Variants in CAMKMT observed in about 807,000 individuals in gnomAD.
CAMKMT encodes the protein CaM KMT.
A neutral mutation model predicts 48.0 loss-of-function variants in CAMKMT; 53 were observed. The ratio of observed to expected loss-of-function variants is 1.10; its 90% CI spans 0.89 to 1.39. The LOEUF (loss-of-function observed/expected upper bound fraction) is 1.39. CAMKMT is among the 40% of genes most tolerant of loss of function. The pLI is 0.00. For synonymous variants in CAMKMT, 165 were observed against 152.3 expected (o/e 1.08, Z -0.61); for missense variants, 428 against 402.7 (o/e 1.06, Z -0.54).
intron 3 of CAMKMT, among the ~76,000 whole-genome samples, chr2:44,623,330 T>G (rs1203408006): frequency 6.6e-6 from 1 of 152,206 alleles, no homozygotes; most frequent in Non-Finnish European, 1.5e-5. Flanking sequence ...TTTAGTTTAC[T>G]TAGGTCCCAT....
At chr2:44,430,584 C>G (rs1172863740) in intron 3 of CAMKMT, among the ~76,000 whole-genome samples, 6 of 151,648 alleles carry the variant, frequency 4.0e-5, no homozygotes, top group Non-Finnish European at 1.5e-5. Context: ...GGCTCCCATC[C>G]TTTGATTTAA....
rs532109834 is a variant in CAMKMT, at chr2:44,628,025, A to G, written c.377-76258A>G. ...GCCCCTTTTTATTCTTTTAATGTCT[A>G]TAGGAACTGTAGCAATCAATGTTCC... On this transcript the variant is annotated intron_variant, in intron 3 of 10. Transcript: ENST00000378494. 3.3e-5 allele frequency among the ~76,000 whole-genome samples: 5 copies of G among 151,808 alleles called. No individual in the cohort carries two copies. In the South Asian group the frequency reaches 8.3e-4, roughly 25 times the overall value.
At chr2:44,716,387 C>A (rs1378486882) in intron 7 of CAMKMT, among the ~76,000 whole-genome samples, 1 of 152,120 alleles carries the variant, frequency 6.6e-6, no homozygotes, top group Admixed American at 6.6e-5. Context: ...ATGAAAATAG[C>A]TACAATGCTT....
intron 3 of CAMKMT, among the ~76,000 whole-genome samples, chr2:44,408,013 A>C (rs1682899656): frequency 6.8e-6 from 1 of 147,636 alleles, no homozygotes; most frequent in African/African-American, 2.5e-5. Context: ...AGAAGACAAC[A>C]GTAGAGCATG....
chr2:44,455,674 A>T (rs1667525233), intron 3 of CAMKMT, among the ~76,000 whole-genome samples: 1 of 152,192 alleles, frequency 6.6e-6, no homozygotes, highest in Non-Finnish European at 1.5e-5. Flanking sequence ...AAGTTATTTA[A>T]CCACTTTGTG....
rs966183252 is a variant in CAMKMT, at chr2:44,618,177, C to A, written c.377-86106C>A. Among the ~76,000 whole-genome samples the A allele has an allele frequency of 6.6e-5, 10 of 152,286 alleles. No homozygotes were observed. The highest frequency in any genetic ancestry group is 2.4e-4 in the African/African-American group (10 of 41,566). ...GGTCACCTTCCCAAGTGCAAGCAGG[C>A]AAGCTGTTATTGATCAAAGAGGTTT... On this transcript the variant is annotated intron_variant, in intron 3 of 10. Transcript: ENST00000378494. The surrounding 1 kb of genome is among the most constrained non-coding windows in gnomAD (Gnocchi z 4.0).
intron 3 of CAMKMT, among the ~76,000 whole-genome samples, chr2:44,398,373 TTG>T (rs1195867711): frequency 2.6e-5 from 4 of 152,184 alleles, no homozygotes; most frequent in African/African-American, 9.7e-5. Context: ...GTGCAGCAGA[TTG>T]TGTCTCAGAG....
intron 3 of CAMKMT, among the ~76,000 whole-genome samples, chr2:44,630,394 A>G (rs985826408): frequency 3.3e-5 from 5 of 151,888 alleles, no homozygotes; most frequent in African/African-American, 1.2e-4. Context: ...AAATTGACAA[A>G]TGGGATCTCA....
At chr2:44,445,662 T>G (rs1471452739) in intron 3 of CAMKMT, among the ~76,000 whole-genome samples, 1 of 11,222 alleles carries the variant, frequency 8.9e-5, no homozygotes, top group African/African-American at 2.6e-4. Context: ...TTTTTTTTTT[T>G]TTTTTTTTTT....
intron 7 of CAMKMT, among the ~76,000 whole-genome samples, chr2:44,728,895 A>G (rs1460391277): frequency 4.1e-5 from 2 of 48,208 alleles, no homozygotes; most frequent in African/African-American, 1.7e-4. Flanking sequence ...GATCTTTTGT[A>G]TGGATTTTCT....
chr2:44,376,968 A>G (rs1230484495), intron 2 of CAMKMT, among the ~76,000 whole-genome samples: 2 of 151,972 alleles, frequency 1.3e-5, no homozygotes, highest in Admixed American at 6.6e-5. Flanking sequence ...TGACTCCTGG[A>G]TTTTGTTCCT....
chr2:44,737,764 C>G (rs1226091389), intron 7 of CAMKMT, among the ~76,000 whole-genome samples: 1 of 152,066 alleles, frequency 6.6e-6, no homozygotes, highest in Admixed American at 6.6e-5. Context: ...TTCTCTCTCT[C>G]TCTCTCTCTT....
At chr2:44,579,231 A>T (rs951800108) in intron 3 of CAMKMT, among the ~76,000 whole-genome samples, 8 of 150,536 alleles carry the variant, frequency 5.3e-5, no homozygotes, top group African/African-American at 1.5e-4. Context: ...ATAATGTTCT[A>T]TTTTTTTTTT....
chr2:44,415,226 TG>T (rs1683472727), intron 3 of CAMKMT, among the ~76,000 whole-genome samples: 1 of 152,210 alleles, frequency 6.6e-6, no homozygotes, highest in African/African-American at 2.4e-5. Flanking sequence ...GTGTTAGGCC[TG>T]GTATGTACAA....
intron 3 of CAMKMT, among the ~76,000 whole-genome samples, chr2:44,465,630 A>T (rs549855859): frequency 6.6e-6 from 1 of 152,260 alleles, no homozygotes; most frequent in East Asian, 1.9e-4. Flanking sequence ...AGGAGAGACA[A>T]AATAACTGGA....
chr2:44,673,901 C>G (rs559177286), intron 3 of CAMKMT, among the ~76,000 whole-genome samples: 1 of 152,286 alleles, frequency 6.6e-6, no homozygotes, highest in East Asian at 1.9e-4. Context: ...TTAGGACACC[C>G]AGCCCTCAGA....
chr2:44,512,052 G>A (rs1334150268), intron 3 of CAMKMT, among the ~76,000 whole-genome samples: 2 of 152,168 alleles, frequency 1.3e-5, no homozygotes, highest in Admixed American at 6.5e-5. Flanking sequence ...AGTGCACAGT[G>A]AAATTGTTCT....
intron 3 of CAMKMT, among the ~76,000 whole-genome samples, chr2:44,595,158 G>T (rs1051552886): frequency 6.6e-6 from 1 of 152,090 alleles, no homozygotes; most frequent in Admixed American, 6.5e-5. Context: ...AACAACAGAT[G>T]CTGGAGAGGA....
In CAMKMT at chr2:44,367,067, T is replaced by C. The variant is rs570345826; in HGVS notation, c.138+4922T>C. ...AACGGGAAACACTATAGCTTCCGCA[T>C]GTAAAGGATAAGGTTTTCTGGTTTT... On this transcript the variant is annotated intron_variant, in intron 1 of 10. Transcript: ENST00000378494. Among the ~76,000 whole-genome samples the C allele has an allele frequency of 7.9e-5, 12 of 152,296 alleles. No homozygotes were observed. The South Asian group carries it at 2.5e-3, about 32-fold the overall frequency.
Sources: allele counts gnomAD v4.1 joint callset (sites outside exome capture counted in the v4.1 genomes callset), GRCh38; gene constraint gnomAD v4.1.1; non-coding constraint Gnocchi (gnomAD v3.1); transcripts MANE v1.5; gene names NCBI Gene and HGNC (gene_info 2026-07-23, HGNC 2026-07-21).